The following SAMMSON variants were observed in gnomAD, a reference collection of about 807,000 sequenced individuals.
SAMMSON encodes the protein long intergenic non-protein coding RNA 1212.
intron 4 of SAMMSON, among the ~76,000 whole-genome samples, chr3:70,150,870 A>T (rs1468285995): frequency 6.6e-6 from 1 of 152,050 alleles, no homozygotes; most frequent in East Asian, 1.9e-4. Context: ...AAAGGCTACA[A>T]ATAACAAATA....
chr3:70,178,707 G>A (rs1435512871), intron 4 of SAMMSON, among the ~76,000 whole-genome samples: 4 of 152,116 alleles, frequency 2.6e-5, no homozygotes, highest in Admixed American at 2.6e-4. Context: ...ACTGCTTATG[G>A]AGCAATAATA....
chr3:70,292,512 GA>G (rs1352228258), intron 7 of SAMMSON, among the ~76,000 whole-genome samples: 1 of 152,094 alleles, frequency 6.6e-6, no homozygotes, highest in Non-Finnish European at 1.5e-5. Context: ...AAGCCATGTG[GA>G]TCTGACTCCT....
intron 4 of SAMMSON, among the ~76,000 whole-genome samples, chr3:70,247,903 C>T (rs1379334969): frequency 1.3e-5 from 2 of 151,938 alleles, no homozygotes; most frequent in Admixed American, 6.6e-5. Flanking sequence ...TTTCTGTTTT[C>T]TGTAGTAAAG....
intron 4 of SAMMSON, among the ~76,000 whole-genome samples, chr3:70,203,393 T>A (rs1266137015): frequency 6.6e-6 from 1 of 152,122 alleles, no homozygotes; most frequent in Non-Finnish European, 1.5e-5. Flanking sequence ...TAAAGAGTGA[T>A]TGAATGCCTT....
chr3:70,238,891 C>T (rs1229832958), intron 4 of SAMMSON, among the ~76,000 whole-genome samples: 2 of 152,286 alleles, frequency 1.3e-5, no homozygotes, highest in South Asian at 2.1e-4. Flanking sequence ...TTTCTTCTGA[C>T]TCTATTTTCT....
At chr3:70,070,926 T>A (rs907165067) in intron 3 of SAMMSON, among the ~76,000 whole-genome samples, 3 of 152,060 alleles carry the variant, frequency 2.0e-5, no homozygotes, top group Non-Finnish European at 4.4e-5. Context: ...CCCAGACGTC[T>A]GAGCTTAAAA....
At chr3:70,147,670 A>G (rs1347692567) in intron 4 of SAMMSON, among the ~76,000 whole-genome samples, 1 of 152,090 alleles carries the variant, frequency 6.6e-6, no homozygotes, top group Non-Finnish European at 1.5e-5. Context: ...TGGATCTTTC[A>G]TCTAAGCATA....
At chr3:70,314,457 T>C (rs1429082869) in intron 7 of SAMMSON, among the ~76,000 whole-genome samples, 1 of 152,160 alleles carries the variant, frequency 6.6e-6, no homozygotes, top group African/African-American at 2.4e-5. Flanking sequence ...TCACTGTCTT[T>C]TGGAAAAGCA....
At chr3:70,259,813 G>A (rs1701848935) in intron 6 of SAMMSON, among the ~76,000 whole-genome samples, 2 of 152,130 alleles carry the variant, frequency 1.3e-5, no homozygotes, top group South Asian at 4.1e-4. Context: ...AAAGAGGTTT[G>A]ATTGACTCAC....
chr3:70,333,268 C>T (rs959431722), intron 7 of SAMMSON, among the ~76,000 whole-genome samples: 1 of 152,066 alleles, frequency 6.6e-6, no homozygotes, highest in Admixed American at 6.5e-5. Context: ...AGAACAGAAA[C>T]ATGTGACCTG....
intron 3 of SAMMSON, among the ~76,000 whole-genome samples, chr3:70,054,517 G>A (rs2107590157): frequency 6.6e-6 from 1 of 152,040 alleles, no homozygotes; most frequent in East Asian, 1.9e-4. Flanking sequence ...CTTCAAATCT[G>A]ACCATTTGTC....
At chr3:70,346,749 C>A (rs1207687225) in intron 7 of SAMMSON, among the ~76,000 whole-genome samples, 1 of 152,096 alleles carries the variant, frequency 6.6e-6, no homozygotes, top group Non-Finnish European at 1.5e-5. Context: ...TTCTAAAATT[C>A]TTACAAAAGA....
chr3:70,430,590 G>A (rs1701406182), intron 2 of SAMMSON, among the ~76,000 whole-genome samples: 1 of 152,020 alleles, frequency 6.6e-6, no homozygotes, highest in Non-Finnish European at 1.5e-5. Context: ...TCCCTGAGTT[G>A]GTGAAGCCAA....
chr3:70,046,024 T>C (rs1340518134), intron 3 of SAMMSON, among the ~76,000 whole-genome samples: 1 of 152,130 alleles, frequency 6.6e-6, no homozygotes, highest in African/African-American at 2.4e-5. Flanking sequence ...ATTTTTAAAA[T>C]GCAAGTAATC....
At chr3:70,207,945 T>C (rs558389524) in intron 4 of SAMMSON, among the ~76,000 whole-genome samples, 3 of 152,008 alleles carry the variant, frequency 2.0e-5, no homozygotes, top group East Asian at 1.9e-4. Context: ...GGGCTGTATA[T>C]TGGGGATAGA....
At chr3:70,364,810 C>A (rs1255122014) in intron 9 of SAMMSON, among the ~76,000 whole-genome samples, 1 of 151,640 alleles carries the variant, frequency 6.6e-6, no homozygotes, top group Non-Finnish European at 1.5e-5. Flanking sequence ...TTTATTTCCC[C>A]TTACTGTAGT....
At chr3:70,363,068 A>C (rs191303236) in intron 9 of SAMMSON, among the ~76,000 whole-genome samples, 1 of 152,248 alleles carries the variant, frequency 6.6e-6, no homozygotes, top group East Asian at 1.9e-4. Context: ...GGAATGAAAA[A>C]ATAAAATAAT....
At chr3:70,093,473 T>A (rs2067312698) in intron 4 of SAMMSON, among the ~76,000 whole-genome samples, 1 of 152,208 alleles carries the variant, frequency 6.6e-6, no homozygotes, top group African/African-American at 2.4e-5. Flanking sequence ...ACTTGGTTGT[T>A]TGTAGATGAC....
chr3:70,210,352 C>G (rs1701331271), intron 4 of SAMMSON, among the ~76,000 whole-genome samples: 1 of 151,946 alleles, frequency 6.6e-6, no homozygotes, highest in South Asian at 2.1e-4. Flanking sequence ...TTTCTCATTC[C>G]TCAGTGGGAA....
Sources: gnomAD v4.1 joint callset for allele counts (sites outside exome capture counted in the v4.1 genomes callset) on GRCh38, gnomAD v4.1.1 for gene constraint, MANE v1.5 for transcripts, NCBI Gene and HGNC (gene_info 2026-07-23, HGNC 2026-07-21) for gene names.